FABP7: variants seen among roughly 807,000 people sequenced by gnomAD.
FABP7 encodes fatty acid binding protein 7, also known as fatty acid-binding protein, brain.
In FABP7, 13 loss-of-function variants were observed where a neutral mutation model predicts 14.2. The observed-to-expected ratio is 0.91, with a 90% CI of 0.59 to 1.45. The LOEUF is 1.45. FABP7 is among the 40% of genes most tolerant of loss of function. The pLI is 0.00. For synonymous variants in FABP7, 49 were observed against 51.4 expected (o/e 0.95, Z 0.20); for missense variants, 149 against 157.6 (o/e 0.95, Z 0.29).
chr6:122,749,257 C>G, the FABP7 span, among the ~76,000 whole-genome samples: 1 of 152,054 alleles, frequency 6.6e-6, no homozygotes, highest in Non-Finnish European at 1.5e-5. Flanking sequence ...GTGGTCTCCT[C>G]CCTTAAACCT....
At chr6:122,762,624 T>C in the FABP7 span, among the ~76,000 whole-genome samples, 405 of 152,336 alleles carry the variant, frequency 2.7e-3, 2 homozygotes, top group African/African-American at 9.1e-3. Flanking sequence ...GATGACATGA[T>C]TGTATATTTA....
the FABP7 span, among the ~76,000 whole-genome samples, chr6:122,767,941 T>C: frequency 3.3e-5 from 5 of 151,910 alleles, no homozygotes; most frequent in Admixed American, 2.0e-4. Flanking sequence ...AGAAGCTACT[T>C]TAAAGAAAGT....
chr6:122,767,496 G>A, the FABP7 span, among the ~76,000 whole-genome samples: 5 of 152,058 alleles, frequency 3.3e-5, no homozygotes, highest in African/African-American at 4.8e-5. Flanking sequence ...GTGGTGAAAT[G>A]TTCAATAAGT....
the FABP7 span, among the ~76,000 whole-genome samples, chr6:122,773,004 G>A: frequency 6.6e-6 from 1 of 152,058 alleles, no homozygotes; most frequent in Non-Finnish European, 1.5e-5. Flanking sequence ...CAGTTTGTCT[G>A]ATCTTCCTGA....
chr6:122,757,887 A>T, the FABP7 span, among the ~76,000 whole-genome samples: 1 of 152,158 alleles, frequency 6.6e-6, no homozygotes, highest in Admixed American at 6.5e-5. Flanking sequence ...TTAATTTTAT[A>T]TAAAATGAGA....
chr6:122,772,364 ATAG>A, the FABP7 span, among the ~76,000 whole-genome samples: 1 of 152,166 alleles, frequency 6.6e-6, no homozygotes, highest in African/African-American at 2.4e-5. Context: ...ACTGCAGAAA[ATAG>A]TAGAGAAATG....
chr6:122,763,688 T>A, the FABP7 span, among the ~76,000 whole-genome samples: 1 of 152,072 alleles, frequency 6.6e-6, no homozygotes. Context: ...TAAACAAATT[T>A]ACAAGAAAAA....
At chr6:122,759,255 G>A in the FABP7 span, among the ~76,000 whole-genome samples, 1 of 152,074 alleles carries the variant, frequency 6.6e-6, no homozygotes, top group African/African-American at 2.4e-5. Context: ...ACTGTTCTCG[G>A]TATTTGGCCA....
Position 122,782,105 on chromosome 6 carries a change from T to C in FABP7, c.348+911T>C, listed in dbSNP as rs560752258. ...CTTTCCAGTTTTTTTCTCGAATGCA[T>C]AATATGCCTTTTAAACATATATATT... On this transcript the variant is annotated intron_variant, in intron 3 of 3. Coordinates refer to ENST00000368444, the MANE Select transcript of FABP7 (RefSeq NM_001446.5). 77 of 985,200 alleles carry C rather than the reference T, an allele frequency of 7.8e-5. No homozygotes were observed. The Admixed American group carries it at 3.8e-3, about 49-fold the overall frequency. The allele number at this position is 985,200 out of a possible 1,614,324, so 61.0% of individuals were successfully genotyped here.
chr6:122,782,019 T>C, intron 3 of FABP7: 1 of 977,138 alleles, frequency 1.0e-6, no homozygotes, highest in Non-Finnish European at 1.2e-6. Context: ...CCCAGAGTGC[T>C]GGGATTACAG....
At chr6:122,767,033 T>C in the FABP7 span, among the ~76,000 whole-genome samples, 1 of 152,014 alleles carries the variant, frequency 6.6e-6, no homozygotes, top group Non-Finnish European at 1.5e-5. Context: ...ACCTCAATTA[T>C]CTAAGAATAA....
the FABP7 span, among the ~76,000 whole-genome samples, chr6:122,753,722 G>T: frequency 6.6e-6 from 1 of 151,774 alleles, no homozygotes; most frequent in African/African-American, 2.4e-5. Flanking sequence ...TCCACAGTGT[G>T]GAAGTGGACT....
upstream of FABP7, among the ~76,000 whole-genome samples, chr6:122,776,794 A>G (rs946193651): frequency 4.6e-5 from 7 of 152,212 alleles, no homozygotes; most frequent in Non-Finnish European, 1.0e-4. Context: ...AATATGCACA[A>G]CTATTATGTA....
chr6:122,778,239 C>T (rs917257955), upstream of FABP7, among the ~76,000 whole-genome samples: 1 of 152,088 alleles, frequency 6.6e-6, no homozygotes, highest in African/African-American at 2.4e-5. Context: ...TAGGCCTTGA[C>T]ATTAAGTTTG....
chr6:122,767,608 T>C, the FABP7 span, among the ~76,000 whole-genome samples: 14 of 152,010 alleles, frequency 9.2e-5, no homozygotes, highest in African/African-American at 3.1e-4. Flanking sequence ...GTTCAAATGT[T>C]AAAACTTTAA....
the FABP7 span, among the ~76,000 whole-genome samples, chr6:122,762,148 A>T: frequency 1.3e-5 from 2 of 151,822 alleles, no homozygotes; most frequent in East Asian, 3.9e-4. Flanking sequence ...TCAATAAAAT[A>T]CTGGCAAACT....
chr6:122,771,319 G>A, the FABP7 span, among the ~76,000 whole-genome samples: 2 of 152,130 alleles, frequency 1.3e-5, no homozygotes, highest in Non-Finnish European at 2.9e-5. Flanking sequence ...ATGTTGTCCT[G>A]TTTCTGTTAA....
At chr6:122,782,215 G>C in intron 3 of FABP7, 1 of 978,628 alleles carries the variant, frequency 1.0e-6, no homozygotes, top group Non-Finnish European at 1.2e-6. Context: ...GGATTTATTA[G>C]TGTCCTAAGG....
the FABP7 span, among the ~76,000 whole-genome samples, chr6:122,765,479 A>G: frequency 6.6e-6 from 1 of 151,924 alleles, no homozygotes; most frequent in African/African-American, 2.4e-5. Context: ...TGTTTATTGC[A>G]TATATTTTAT....
Sources: gnomAD v4.1 joint callset for allele counts (sites outside exome capture counted in the v4.1 genomes callset) on GRCh38, gnomAD v4.1.1 for gene constraint, MANE v1.5 for transcripts, NCBI Gene and HGNC (gene_info 2026-07-23, HGNC 2026-07-21) for gene names.